Variants in GABRQ observed in about 807,000 individuals in gnomAD.
The protein encoded by GABRQ is gamma-aminobutyric acid receptor subunit theta.
A neutral mutation model predicts 30.5 loss-of-function variants in GABRQ; 19 were observed. The ratio of observed to expected loss-of-function variants is 0.62; its 90% CI spans 0.43 to 0.91. GABRQ has a LOEUF of 0.91. GABRQ is among the 40% of genes least tolerant of loss of function. GABRQ has a pLI of 0.00. For missense variants in GABRQ, 520 were observed against 521.4 expected (o/e 1.00, Z 0.03); for synonymous variants, 187 against 210.2 (o/e 0.89, Z 0.95).
At chrX:152,646,855 G>C (rs1322720400) in intron 3 of GABRQ, 93 bp from the exon 4 acceptor site, 1 of 552,131 alleles carries the variant, frequency 1.8e-6, no homozygotes, top group Non-Finnish European at 3.2e-6. Context: ...GCATACACAA[G>C]TGCATGCACA....
At chrX:152,651,416 G>T (rs1931016331) in intron 7 of GABRQ, 110 bp from the exon 8 acceptor site, 2 of 569,992 alleles carry the variant, frequency 3.5e-6, no homozygotes, top group Non-Finnish European at 5.9e-6. Context: ...AGAGCCGAAG[G>T]CCTTTGCTGT....
chrX:152,643,548 C>T (rs1327050617), intron 2 of GABRQ, among the ~76,000 whole-genome samples: 6 of 112,041 alleles, frequency 5.4e-5, no homozygotes, highest in African/African-American at 1.3e-4. Flanking sequence ...GAGGAGCGAA[C>T]GATAAAAACG....
chrX:152,638,426 C>T (rs1930665722), intron 1 of GABRQ, 75 bp downstream of exon 1: 18 of 1,053,115 alleles, frequency 1.7e-5, no homozygotes, highest in Non-Finnish European at 2.2e-5. Context: ...GCCTCTTGGA[C>T]GGAGCGGGCT....
intron 7 of GABRQ, 50 bp from the exon 8 acceptor site, chrX:152,651,476 A>G (rs1931018021): frequency 8.7e-7 from 1 of 1,146,605 alleles, no homozygotes; most frequent in Admixed American, 2.2e-5. Flanking sequence ...ACAGGTTGCC[A>G]AGAACGTTAG....
At chrX:152,643,738 C>T (rs1438736934) in intron 2 of GABRQ, among the ~76,000 whole-genome samples, 2 of 111,480 alleles carry the variant, frequency 1.8e-5, no homozygotes, top group African/African-American at 6.5e-5. Context: ...CACAATTACC[C>T]TCTCCTGTGC....
At chrX:152,647,369 C>T (rs782440375) in intron 4 of GABRQ, among the ~76,000 whole-genome samples, 28 of 111,716 alleles carry the variant, frequency 2.5e-4, no homozygotes, top group African/African-American at 8.1e-4. Context: ...GTTCTGTCCC[C>T]ACACCTTGGT....
chrX:152,649,140 T>C, intron 4 of GABRQ, 111 bp from the exon 5 acceptor site: 1 of 551,264 alleles, frequency 1.8e-6, no homozygotes, highest in African/African-American at 2.2e-5. Flanking sequence ...TCTCTACACA[T>C]GGGTCAGTCC....
At position 152,649,352 on chromosome X, in the gene GABRQ, GC is replaced by G; in HGVS notation, c.610+23del. 2.0e-6 allele frequency: 2 copies of G among 980,363 alleles called. No individual in the cohort carries two copies. The highest frequency in any genetic ancestry group is 2.9e-6 in the Non-Finnish European group (2 of 684,034). 80.8% of individuals were successfully genotyped at this position (980,363 alleles called of 1,213,427 possible). ...GAGAGCTGTACGTATGTCTCCTATG[GC>G]CCCTTCTTCCGTACTTGGGGCTGTG... On this transcript the variant is annotated intron_variant, in intron 5 of 8. Transcript: ENST00000598523.
At position 152,649,796 on chromosome X, in the gene GABRQ, TCCACATGA is replaced by T. The variant is rs1556819832; in HGVS notation, c.667_674del (p.His223Ter). 8.5e-7 allele frequency: 1 copy of T among 1,170,335 alleles called. No homozygotes were observed. Among genetic ancestry groups the T allele is most frequent in the African/African-American group, 1.8e-5 (1 of 57,056 alleles). ...TTCTGGGATGACAATGGGAACGCCA[TCCACATGA>T]CTGAGGAGCTGCATATCCCTCAGTT... On this transcript the variant is annotated frameshift_variant, in exon 6 of 9. Transcript: ENST00000598523. LOFTEE classifies it high-confidence loss of function.
intron 1 of GABRQ, among the ~76,000 whole-genome samples, chrX:152,638,624 G>T (rs1474008506): frequency 1.8e-5 from 2 of 112,454 alleles, no homozygotes; most frequent in Middle Eastern, 4.6e-3. Context: ...AGCCCGAGGG[G>T]TGGGGGCGGG....
rs1156832945 is a variant in GABRQ, at chrX:152,656,013, A to G, written c.*2732A>G. Reference sequence around the variant, plus strand: ...TGACGTGCTGCAATGAGAGCAGTTGAACTCTACTGCGACTCATACTCTGTA... The same window carrying G: ...TGACGTGCTGCAATGAGAGCAGTTGGACTCTACTGCGACTCATACTCTGTA... On this transcript the variant is annotated 3_prime_UTR_variant, in exon 9 of 9. Transcript: ENST00000598523. 8.9e-6 allele frequency: 1 copy of G among 111,916 alleles called. No homozygotes were observed. The highest frequency in any genetic ancestry group is 1.9e-5 in the Non-Finnish European group (1 of 53,183). 9.2% of individuals were successfully genotyped at this position (111,916 alleles called of 1,213,427 possible).
At chrX:152,644,643 TACTC>T (rs781850761) in intron 2 of GABRQ, among the ~76,000 whole-genome samples, 8 of 111,667 alleles carry the variant, frequency 7.2e-5, no homozygotes, top group Non-Finnish European at 1.1e-4. Context: ...CACATGGACA[TACTC>T]ACAAATCCAC....
At chrX:152,651,864 T>C in intron 8 of GABRQ, 82 bp downstream of exon 8, 1 of 993,533 alleles carries the variant, frequency 1.0e-6, no homozygotes, top group South Asian at 2.2e-5. Flanking sequence ...TTTGCATTTC[T>C]TAGCTTTTTA....
chrX:152,648,038 G>A (rs782047877), intron 4 of GABRQ, among the ~76,000 whole-genome samples: 1 of 112,159 alleles, frequency 8.9e-6, no homozygotes, highest in South Asian at 3.8e-4. Context: ...CAGGGAACAG[G>A]TCACTGGTCA....
chrX:152,638,324 C>G lies in GABRQ; in HGVS notation c.122C>G (p.Pro41Arg), dbSNP rs782619342. Residue 41 changes from proline (P) to arginine (R), a missense_variant, in exon 1 of 9, where the codon CCC (proline) becomes CGC (arginine). Physicochemically the swap from Pro to Arg is moderately radical, Grantham distance 103. Coordinates refer to ENST00000598523, the MANE Select transcript of GABRQ (RefSeq NM_018558.4). ...CACTTCGAGTTCTCCTCTGCTGTGC[C>G]CGAAGTCGTCCTGAACCTCTTCAAC... ...KFHFEFSSAV[P>R]EVVLNLFNCK... 1 of 1,211,695 alleles carries G rather than the reference C, an allele frequency of 8.3e-7. No homozygotes were observed. Among genetic ancestry groups the G allele is most frequent in the East Asian group, 3.0e-5 (1 of 33,799 alleles).
downstream of GABRQ, chrX:152,657,578 GAT>G (rs1424378561): frequency 8.9e-6 from 1 of 111,915 alleles, no homozygotes; most frequent in African/African-American, 3.3e-5. Context: ...TGGATTAGAA[GAT>G]ATTGAGCAGG....
At chrX:152,649,411 A>G in intron 5 of GABRQ, 78 bp downstream of exon 5, 2 of 612,366 alleles carry the variant, frequency 3.3e-6, no homozygotes, top group South Asian at 4.5e-5. Flanking sequence ...AATTGACAGT[A>G]AAAGGGCCAG....
At chrX:152,646,833 C>T in intron 3 of GABRQ, 115 bp from the exon 4 acceptor site, 2 of 509,141 alleles carry the variant, frequency 3.9e-6, no homozygotes, top group Non-Finnish European at 7.1e-6. Context: ...TTATGATATA[C>T]TTCATACACT....
chrX:152,649,663 A>C, intron 5 of GABRQ, 79 bp from the exon 6 acceptor site: 5 of 806,398 alleles, frequency 6.2e-6, no homozygotes, highest in South Asian at 2.3e-5. Context: ...GTTAGTGGGT[A>C]GGAGCTTGTA....
Sources: gnomAD v4.1 joint callset for allele counts (sites outside exome capture counted in the v4.1 genomes callset) on GRCh38, gnomAD v4.1.1 for gene constraint, MANE v1.5 for transcripts, NCBI Gene and HGNC (gene_info 2026-07-23, HGNC 2026-07-21) for gene names.